Variants in SPMAP2L observed in about 807,000 individuals in gnomAD.
SPMAP2L encodes sperm microtubule associated protein 2-like.
the SPMAP2L span, among the ~76,000 whole-genome samples, chr4:56,614,739 A>C: frequency 6.6e-6 from 1 of 152,218 alleles, no homozygotes. Flanking sequence ...GAGTACAGGC[A>C]TGGCACAGGG....
chr4:56,596,551 A>G, the SPMAP2L span: 1 of 1,533,600 alleles, frequency 6.5e-7, no homozygotes, highest in African/African-American at 1.4e-5. Context: ...AACTCCAAGA[A>G]TTATAGAGCT....
At chr4:56,556,188 C>T in the SPMAP2L span, among the ~76,000 whole-genome samples, 1 of 152,200 alleles carries the variant, frequency 6.6e-6, no homozygotes, top group South Asian at 2.1e-4. Context: ...CATGGAAAAC[C>T]AGAGGCAAGA....
At chr4:56,593,134 C>A in the SPMAP2L span, 2 of 1,574,806 alleles carry the variant, frequency 1.3e-6, no homozygotes, top group African/African-American at 1.4e-5. Context: ...GATGGATCAC[C>A]CAGTATACTC....
chr4:56,537,451 A>T, the SPMAP2L span, among the ~76,000 whole-genome samples: 1 of 152,172 alleles, frequency 6.6e-6, no homozygotes, highest in Non-Finnish European at 1.5e-5. Flanking sequence ...TTTTTCAAAC[A>T]GAAGTCTTGA....
the SPMAP2L span, among the ~76,000 whole-genome samples, chr4:56,566,171 CT>C: frequency 6.6e-6 from 1 of 151,964 alleles, no homozygotes; most frequent in Non-Finnish European, 1.5e-5. Context: ...CCCCTTTCCC[CT>C]CTTTGTTGCC....
At chr4:56,624,340 A>C in the SPMAP2L span, among the ~76,000 whole-genome samples, 30 of 152,210 alleles carry the variant, frequency 2.0e-4, no homozygotes, top group Non-Finnish European at 2.4e-4. Context: ...GGTTTCAAAA[A>C]TTTGCAGCCT....
the SPMAP2L span, chr4:56,595,772 T>C: frequency 1.2e-6 from 1 of 809,614 alleles, no homozygotes; most frequent in Non-Finnish European, 2.2e-6. Flanking sequence ...CCCCAGAGCA[T>C]TTGATAAGCA....
At chr4:56,597,388 C>T in the SPMAP2L span, among the ~76,000 whole-genome samples, 1 of 152,162 alleles carries the variant, frequency 6.6e-6, no homozygotes, top group Admixed American at 6.5e-5. Context: ...CCTCTTCATC[C>T]TTGACATTCC....
At chr4:56,535,274 C>T in the SPMAP2L span, among the ~76,000 whole-genome samples, 2 of 152,160 alleles carry the variant, frequency 1.3e-5, no homozygotes, top group African/African-American at 4.8e-5. Flanking sequence ...CCAATTTCTG[C>T]CTCCAAAGAA....
the SPMAP2L span, chr4:56,531,207 TC>T: frequency 6.7e-6 from 10 of 1,489,208 alleles, no homozygotes; most frequent in Admixed American, 8.4e-5. Flanking sequence ...CTCCTGCTTC[TC>T]CCTTCCCCTC....
At chr4:56,563,293 G>A in the SPMAP2L span, among the ~76,000 whole-genome samples, 7 of 148,730 alleles carry the variant, frequency 4.7e-5, no homozygotes, top group Non-Finnish European at 8.9e-5. Context: ...TAGTAGAGAC[G>A]GGGTTTCACC....
At chr4:56,595,773 T>C in the SPMAP2L span, 1 of 808,526 alleles carries the variant, frequency 1.2e-6, no homozygotes, top group Non-Finnish European at 2.2e-6. Flanking sequence ...CCCAGAGCAT[T>C]TGATAAGCAA....
the SPMAP2L span, among the ~76,000 whole-genome samples, chr4:56,532,370 CTTTT>C: frequency 1.1e-4 from 16 of 150,930 alleles, no homozygotes; most frequent in Non-Finnish European, 1.3e-4. Context: ...AGAATTGTGC[CTTTT>C]TTTTTAATGA....
At chr4:56,575,384 AT>A in the SPMAP2L span, 1 of 1,143,356 alleles carries the variant, frequency 8.7e-7, no homozygotes, top group Non-Finnish European at 1.2e-6. Flanking sequence ...TGGAAAATAG[AT>A]CATCAATAAT....
chr4:56,594,839 G>C, the SPMAP2L span: 1 of 1,596,056 alleles, frequency 6.3e-7, no homozygotes, highest in Admixed American at 1.7e-5. Flanking sequence ...CTACCTAGAC[G>C]GGGCAAATAT....
At chr4:56,615,515 G>A in the SPMAP2L span, among the ~76,000 whole-genome samples, 1 of 152,162 alleles carries the variant, frequency 6.6e-6, no homozygotes, top group African/African-American at 2.4e-5. Context: ...GGGAGGCCGA[G>A]GCGGGTGGAT....
chr4:56,581,777 A>T, the SPMAP2L span, among the ~76,000 whole-genome samples: 2 of 152,326 alleles, frequency 1.3e-5, no homozygotes, highest in East Asian at 3.9e-4. Flanking sequence ...AAACTTACAG[A>T]AAAGCTGCAG....
chr4:56,552,763 T>C, the SPMAP2L span: 1 of 595,826 alleles, frequency 1.7e-6, no homozygotes, highest in Non-Finnish European at 3.0e-6. Context: ...AGGCTAACCC[T>C]TGGTCAGTGG....
the SPMAP2L span, among the ~76,000 whole-genome samples, chr4:56,592,820 C>T: frequency 1.3e-5 from 2 of 152,002 alleles, no homozygotes; most frequent in Admixed American, 6.5e-5. Flanking sequence ...CCTCCTGGAG[C>T]GCCTTCTGCC....
Sources: allele counts gnomAD v4.1 joint callset (sites outside exome capture counted in the v4.1 genomes callset), GRCh38; gene constraint gnomAD v4.1.1; transcripts MANE v1.5; gene names NCBI Gene and HGNC (gene_info 2026-07-23, HGNC 2026-07-21).